Variants in ESR2 observed in about 807,000 individuals in gnomAD.
ESR2 encodes the protein estrogen receptor 2.
A neutral mutation model predicts 49.6 loss-of-function variants in ESR2; 36 were observed. The ratio of observed to expected loss-of-function variants is 0.73; its 90% CI spans 0.56 to 0.96. The LOEUF is 0.96. Ranked by LOEUF, ESR2 falls within the 40% of genes least tolerant of loss-of-function variation. The probability of loss-of-function intolerance (pLI) is 0.00; values close to 1 mark genes in which losing one functional copy is unlikely to be tolerated. For missense variants in ESR2, 714 were observed against 693.0 expected (o/e 1.03, Z -0.34); for synonymous variants, 320 against 266.1 (o/e 1.20, Z -1.97).
chr14:64,266,502 T>C (rs1240669611), intron 4 of ESR2, among the ~76,000 whole-genome samples: 3 of 152,244 alleles, frequency 2.0e-5, no homozygotes, highest in Non-Finnish European at 4.4e-5. Context: ...CAACGGATCC[T>C]AGTATAATAA....
At chr14:64,281,065 T>C (rs1162958087) in intron 2 of ESR2, among the ~76,000 whole-genome samples, 1 of 151,868 alleles carries the variant, frequency 6.6e-6, no homozygotes, top group African/African-American at 2.4e-5. Flanking sequence ...TTAAGTTACC[T>C]TGAGATGAAT....
In ESR2 at chr14:64,262,604, G is replaced by C. The variant is rs550211099; in HGVS notation, c.653-1856C>G. Among the ~76,000 whole-genome samples the C allele has an allele frequency of 2.0e-5, 3 of 151,950 alleles. No homozygotes were observed. The South Asian group carries it at 6.3e-4, about 32-fold the overall frequency. Reference sequence around the variant, plus strand: ...AACGTCATTAAAGGAATTGAAACATGGCCAAACATGGTGGCTCACACTTGT... The same window carrying C: ...AACGTCATTAAAGGAATTGAAACATCGCCAAACATGGTGGCTCACACTTGT... On this transcript the variant is annotated intron_variant, in intron 4 of 8. Coordinates refer to ENST00000341099, the MANE Select transcript of ESR2 (RefSeq NM_001437.3).
intron 1 of ESR2, among the ~76,000 whole-genome samples, chr14:64,313,889 A>G (rs1210157214): frequency 2.0e-5 from 3 of 151,848 alleles, no homozygotes; most frequent in Non-Finnish European, 2.9e-5. Context: ...AAAAAAAAAA[A>G]AAAGAAAGAA....
rs901954179 is a variant in ESR2 at position 64,230,384 on chromosome 14, T to A, written c.*2753A>T. Among the ~76,000 whole-genome samples, 1 of 152,190 alleles carries A rather than the reference T, an allele frequency of 6.6e-6. No homozygotes were observed. Among genetic ancestry groups the A allele is most frequent in the Non-Finnish European group, 1.5e-5 (1 of 68,030 alleles). On this transcript the variant is annotated 3_prime_UTR_variant, in exon 9 of 9. Coordinates refer to ENST00000341099, the MANE Select transcript of ESR2 (RefSeq NM_001437.3). ...TCAATTCCACTTATATACATAAATA[T>A]ATATGGATATATAATATGGCTCTGC...
rs985074529 is a variant in ESR2 at position 64,268,811 on chromosome 14, C to T, written c.636G>A (p.Val212=). Reference sequence around the variant, plus strand: ...AGCACTCACCACACTTCACCATTCCCACTTCGTAACACTTCCGAAGTCGGC... The same window carrying T: ...AGCACTCACCACACTTCACCATTCCTACTTCGTAACACTTCCGAAGTCGGC... The part of the protein sequence containing the change: ...QACRLRKCYE[V]GMVKCGSRRE... The change falls in exon 4 of 9, where the codon GTG becomes GTA. Residue 212 remains valine (V), a synonymous_variant. Transcript: ENST00000341099. The T allele has an allele frequency of 1.2e-6, 2 of 1,608,980 alleles. No homozygotes were observed. Among genetic ancestry groups the T allele is most frequent in the East Asian group, 2.2e-5 (1 of 44,844 alleles).
chr14:64,319,091 A>G (rs1386705024), intron 1 of ESR2, among the ~76,000 whole-genome samples: 1 of 152,112 alleles, frequency 6.6e-6, no homozygotes, highest in Non-Finnish European at 1.5e-5. Context: ...TAAAACTTGG[A>G]TGAAAGAAAT....
At chr14:64,252,836 A>G (rs1450129198) in intron 6 of ESR2, among the ~76,000 whole-genome samples, 1 of 152,028 alleles carries the variant, frequency 6.6e-6, no homozygotes, top group Non-Finnish European at 1.5e-5. Flanking sequence ...GAGCCAAACC[A>G]TATCAAATTT....
chr14:64,262,787 T>C (rs569028761), intron 4 of ESR2, among the ~76,000 whole-genome samples: 12 of 152,230 alleles, frequency 7.9e-5, no homozygotes, highest in African/African-American at 2.6e-4. Flanking sequence ...GGCAAATGCC[T>C]GTAATCCTAG....
intron 3 of ESR2, among the ~76,000 whole-genome samples, chr14:64,271,549 C>T (rs1358807658): frequency 6.6e-6 from 1 of 152,220 alleles, no homozygotes; most frequent in Admixed American, 6.5e-5. Flanking sequence ...TGGTCTCGAA[C>T]TCCTGAGCTC....
intron 3 of ESR2, among the ~76,000 whole-genome samples, chr14:64,274,380 C>G (rs1333374757): frequency 6.6e-6 from 1 of 152,084 alleles, no homozygotes; most frequent in Non-Finnish European, 1.5e-5. Flanking sequence ...TCTAGGTTTT[C>G]CAAATTATTA....
In ESR2 at chr14:64,260,698, C is replaced by A; in HGVS notation, c.703G>T (p.Ala235Ser). 6.4e-7 allele frequency: 1 copy of A among 1,561,126 alleles called. No individual in the cohort carries two copies. Among genetic ancestry groups the A allele is most frequent in the Admixed American group, 1.9e-5 (1 of 53,178 alleles). ...GYRLVRRQRSADEQLHCAGKA... is the reference protein window; with the variant it reads ...GYRLVRRQRSSDEQLHCAGKA... The stretch of plus-strand genomic sequence containing the variant: ...CCGGCACAGTGCAGCTGCTCGTCGG[C>A]ACTTCTCTGTCTCCGCACAAGGCGG... The change falls in exon 5 of 9, where the codon GCC becomes TCC. Residue 235 changes from alanine (A) to serine (S), a missense_variant. By Grantham distance (99) the Ala-to-Ser change is moderately conservative. Coordinates refer to ENST00000341099, the MANE Select transcript of ESR2 (RefSeq NM_001437.3).
chr14:64,299,700 G>A (rs1242800599), intron 1 of ESR2, among the ~76,000 whole-genome samples: 1 of 152,078 alleles, frequency 6.6e-6, no homozygotes, highest in Non-Finnish European at 1.5e-5. Flanking sequence ...TTGATTTTTT[G>A]TGCACAGAGC....
In ESR2 at chr14:64,260,498, C is replaced by T. The variant is rs776723904; in HGVS notation, c.903G>A (p.Leu301=). 3.3e-6 allele frequency: 5 copies of T among 1,534,336 alleles called. No individual in the cohort carries two copies. Among genetic ancestry groups the T allele is most frequent in the Non-Finnish European group, 4.4e-6 (5 of 1,141,514 alleles). The part of the protein sequence containing the change: ...EASMMMSLTK[L]ADKELVHMIS... ...TCATGTGTACCAACTCCTTGTCGGCCAACTTGGTCAGGGACATCATCATGG... is the reference window on the plus strand; with the variant it reads ...TCATGTGTACCAACTCCTTGTCGGCTAACTTGGTCAGGGACATCATCATGG... Residue 301 remains leucine, a synonymous_variant, in exon 5 of 9, where the codon TTG becomes TTA. Transcript: ENST00000341099.
At chr14:64,282,494 G>A (rs2076695189) in intron 2 of ESR2, 130 bp downstream of exon 2, 1 of 950,940 alleles carries the variant, frequency 1.1e-6, no homozygotes, top group Non-Finnish European at 1.6e-6. Context: ...CTGTGTTTTG[G>A]GTGCTGTAAG....
At chr14:64,274,309 C>T (rs1291775688) in intron 3 of ESR2, among the ~76,000 whole-genome samples, 3 of 151,984 alleles carry the variant, frequency 2.0e-5, no homozygotes, top group Admixed American at 6.6e-5. Context: ...GTTCAGGTTT[C>T]GGATTTCTTC....
intron 1 of ESR2, among the ~76,000 whole-genome samples, chr14:64,288,548 C>A (rs545749007): frequency 1.3e-5 from 2 of 151,834 alleles, no homozygotes; most frequent in Admixed American, 6.6e-5. Context: ...CGGGGTTTCA[C>A]CATGTTAGCC....
At chr14:64,227,883 CTT>C (rs1200345097), downstream of ESR2, 2 of 1,597,530 alleles carry the variant, frequency 1.3e-6, no homozygotes, top group Non-Finnish European at 1.7e-6. Flanking sequence ...TCACATGACT[CTT>C]GGCACTAAGA....
intron 7 of ESR2, among the ~76,000 whole-genome samples, chr14:64,236,353 C>T (rs1182656006): frequency 6.6e-6 from 1 of 152,124 alleles, no homozygotes; most frequent in Non-Finnish European, 1.5e-5. Context: ...CTTCCAGAAT[C>T]CCCCCACAGC....
At chr14:64,267,925 G>C (rs1243568719) in intron 4 of ESR2, among the ~76,000 whole-genome samples, 1 of 151,314 alleles carries the variant, frequency 6.6e-6, no homozygotes, top group African/African-American at 2.4e-5. Context: ...GTAAAGTGAT[G>C]GATTTTTGTT....
Sources: gnomAD v4.1 joint callset for allele counts (sites outside exome capture counted in the v4.1 genomes callset) on GRCh38, gnomAD v4.1.1 for gene constraint, MANE v1.5 for transcripts, NCBI Gene and HGNC (gene_info 2026-07-23, HGNC 2026-07-21) for gene names.